Variants in DNA2 observed in about 807,000 individuals in gnomAD.
The protein encoded by DNA2 is DNA replication helicase/nuclease 2.
Under a neutral mutation model 119.1 loss-of-function variants are expected in DNA2, and 101 were observed. The observed-to-expected ratio is 0.85, with a 90% CI of 0.72 to 1.00. The LOEUF (loss-of-function observed/expected upper bound fraction) is 1.00. Among genes scored for constraint, DNA2 ranks in the 50% least tolerant of loss-of-function variants. The probability of loss-of-function intolerance (pLI) is 0.00; values close to 1 mark genes in which losing one functional copy is unlikely to be tolerated. For missense variants in DNA2, 1,121 were observed against 1,255.5 expected, an observed-to-expected ratio of 0.89 and a Z score of 1.62; for synonymous variants, 366 against 424.4, an observed-to-expected ratio of 0.86 and a Z score of 1.69.
intron 8 of DNA2, among the ~76,000 whole-genome samples, chr10:68,444,596 T>C (rs2052012731): frequency 6.6e-6 from 1 of 150,874 alleles, no homozygotes; most frequent in Non-Finnish European, 1.5e-5. Flanking sequence ...TGGTAGCACA[T>C]GGCTGTAATC....
intron 19 of DNA2, among the ~76,000 whole-genome samples, chr10:68,418,735 C>T (rs1228644523): frequency 2.7e-5 from 4 of 146,182 alleles, no homozygotes; most frequent in Admixed American, 7.0e-5. Context: ...GTCAATGGTA[C>T]GATCTCGGCT....
At chr10:68,470,722 A>G in intron 1 of DNA2, 2 of 327,820 alleles carry the variant, frequency 6.1e-6, no homozygotes, top group Middle Eastern at 4.0e-4. Context: ...TGTTTTGGAC[A>G]CGATCCTTTT....
rs146584026 is a variant in DNA2 at position 68,460,654 on chromosome 10, C to T, written c.588-1419G>A. ...AACCCCTGACCTCACGTGATCTGCC[C>T]GCCTCGGCCTCTGAAAGTGCTGGGA... On this transcript the variant is annotated intron_variant, in intron 4 of 20. Coordinates refer to ENST00000358410, the MANE Select transcript of DNA2 (RefSeq NM_001080449.3). 1.8e-3 allele frequency among the ~76,000 whole-genome samples: 268 copies of T among 152,104 alleles called. 4 individuals carry two copies. In the East Asian group the frequency reaches 0.047, roughly 27 times the overall value.
intron 8 of DNA2, 78 bp downstream of exon 8, chr10:68,444,843 G>T: frequency 9.9e-7 from 1 of 1,008,722 alleles, no homozygotes; most frequent in Non-Finnish European, 1.5e-6. Context: ...ATCAATGCCC[G>T]TCTGGCCACC....
At chr10:68,441,933 AT>A (rs879727400) in intron 9 of DNA2, among the ~76,000 whole-genome samples, 53 of 147,888 alleles carry the variant, frequency 3.6e-4, no homozygotes, top group Non-Finnish European at 3.5e-4. Context: ...ATTTAAAATA[AT>A]TTTTTTTTTT....
At chr10:68,459,366 T>C in intron 4 of DNA2, 131 bp from the exon 5 acceptor site, 1 of 894,290 alleles carries the variant, frequency 1.1e-6, no homozygotes, top group Non-Finnish European at 1.6e-6. Context: ...AACCCAACTG[T>C]TCGTCAGCCA....
chr10:68,465,454 A>G (rs758935140), intron 4 of DNA2, among the ~76,000 whole-genome samples: 1 of 152,190 alleles, frequency 6.6e-6, no homozygotes, highest in Non-Finnish European at 1.5e-5. Context: ...TGTTATGCAC[A>G]TGTACAAAAT....
At chr10:68,423,299 CA>C (rs1474268188) in intron 14 of DNA2, among the ~76,000 whole-genome samples, 1 of 146,036 alleles carries the variant, frequency 6.8e-6, no homozygotes, top group East Asian at 2.0e-4. Context: ...AAAAAAAAAA[CA>C]AAAGAAGACT....
chr10:68,455,320 T>C (rs1032319500), intron 5 of DNA2, among the ~76,000 whole-genome samples: 1 of 152,150 alleles, frequency 6.6e-6, no homozygotes, highest in Admixed American at 6.6e-5. Context: ...AGGTGAAGGA[T>C]GACTACTTGA....
chr10:68,435,863 A>T (rs1204259326), intron 10 of DNA2, among the ~76,000 whole-genome samples: 2 of 152,204 alleles, frequency 1.3e-5, no homozygotes, highest in Non-Finnish European at 2.9e-5. Context: ...GGAGAGAACA[A>T]AATAGTCAGT....
chr10:68,435,340 T>C (rs7088996), intron 10 of DNA2, among the ~76,000 whole-genome samples: 148,286 of 152,184 alleles, frequency 0.97, 72,258 homozygotes, highest in East Asian at 0.99. Context: ...TGCACCACCT[T>C]GCCTGCCCAT....
Position 68,414,432 on chromosome 10 carries a change from T to C in DNA2, c.*607A>G, listed in dbSNP as rs1249099903. 6.6e-6 allele frequency: 1 copy of C among 152,128 alleles called. No homozygotes were observed. The highest frequency in any genetic ancestry group is 2.4e-5 in the African/African-American group (1 of 41,446). 9.4% of individuals were successfully genotyped at this position (152,128 alleles called of 1,614,324 possible). ...AGAAAACAAAATTTGTTGCAAAAGATGATGTAAGAATTATTTTCTTTTATA... is the reference window on the plus strand; with the variant it reads ...AGAAAACAAAATTTGTTGCAAAAGACGATGTAAGAATTATTTTCTTTTATA... On this transcript the variant is annotated 3_prime_UTR_variant, in exon 21 of 21. Coordinates refer to ENST00000358410, the MANE Select transcript of DNA2 (RefSeq NM_001080449.3).
At chr10:68,433,328 C>A (rs764740163) in intron 10 of DNA2, among the ~76,000 whole-genome samples, 3 of 152,164 alleles carry the variant, frequency 2.0e-5, no homozygotes, top group Non-Finnish European at 2.9e-5. Context: ...TCATTCCATT[C>A]TCTCTGCCAA....
intron 5 of DNA2, 67 bp from the exon 6 acceptor site, chr10:68,450,314 T>G: frequency 8.4e-7 from 1 of 1,188,586 alleles, no homozygotes. Context: ...CTGCTGGCTC[T>G]GACTGCCTAT....
At chr10:68,443,634 C>T (rs1184955080) in intron 8 of DNA2, among the ~76,000 whole-genome samples, 1 of 152,158 alleles carries the variant, frequency 6.6e-6, no homozygotes, top group African/African-American at 2.4e-5. Flanking sequence ...TAAGAGATCC[C>T]TTGAAAAAAT....
chr10:68,453,005 A>G (rs2052140376), intron 5 of DNA2, among the ~76,000 whole-genome samples: 1 of 150,810 alleles, frequency 6.6e-6, no homozygotes, highest in African/African-American at 2.4e-5. Flanking sequence ...GGTTCAAGCA[A>G]CTCTCCCATT....
intron 4 of DNA2, among the ~76,000 whole-genome samples, chr10:68,463,487 A>G (rs1373132459): frequency 6.7e-6 from 1 of 149,026 alleles, no homozygotes; most frequent in Non-Finnish European, 1.5e-5. Flanking sequence ...GATGATAACC[A>G]TAAATACAGT....
At chr10:68,448,426 T>C (rs978334645) in intron 6 of DNA2, among the ~76,000 whole-genome samples, 3 of 152,212 alleles carry the variant, frequency 2.0e-5, no homozygotes, top group Admixed American at 6.5e-5. Context: ...CCTTTTATTA[T>C]CAAAATTAAA....
At chr10:68,430,749 T>C (rs2051809998) in intron 13 of DNA2, 89 bp from the exon 14 acceptor site, 1 of 1,022,778 alleles carries the variant, frequency 9.8e-7, no homozygotes, top group African/African-American at 1.6e-5. Context: ...ACAAGAACCA[T>C]ATCTAAGAGC....
Sources: gnomAD v4.1 joint callset for allele counts (sites outside exome capture counted in the v4.1 genomes callset) on GRCh38, gnomAD v4.1.1 for gene constraint, MANE v1.5 for transcripts, NCBI Gene and HGNC (gene_info 2026-07-23, HGNC 2026-07-21) for gene names.